CCDC138: variants seen among roughly 807,000 people sequenced by gnomAD.
CCDC138 encodes the protein coiled-coil domain-containing protein 138.
In CCDC138, 66 loss-of-function variants were observed where a neutral mutation model predicts 82.3. The observed-to-expected ratio is 0.80, with a 90% CI of 0.66 to 0.98. The LOEUF is 0.98. Among genes scored for constraint, CCDC138 ranks in the 50% least tolerant of loss-of-function variants. The pLI, the probability that CCDC138 is intolerant of heterozygous loss-of-function variation, is 0.00. For missense variants in CCDC138, 816 were observed against 758.9 expected (o/e 1.08, Z -0.88); for synonymous variants, 297 against 265.4 (o/e 1.12, Z -1.16).
Position 108,853,264 on chromosome 2 carries a change from A to G in CCDC138, c.1517-3530A>G, listed in dbSNP as rs1353465706. On this transcript the variant is annotated intron_variant, in intron 12 of 14. Coordinates refer to ENST00000295124, the MANE Select transcript of CCDC138 (RefSeq NM_144978.3). ...CCCTGCAATAACTATGAGGTAGGTCATGGTGTCATTTTTACAGAAGAGCAA... is the reference window on the plus strand; with the variant it reads ...CCCTGCAATAACTATGAGGTAGGTCGTGGTGTCATTTTTACAGAAGAGCAA... Among the ~76,000 whole-genome samples the G allele has an allele frequency of 3.3e-5, 5 of 152,298 alleles. No homozygotes were observed. In the South Asian group the frequency reaches 8.3e-4, roughly 25 times the overall value.
chr2:108,831,949 T>A (rs1235997009), intron 10 of CCDC138, among the ~76,000 whole-genome samples: 3 of 151,960 alleles, frequency 2.0e-5, no homozygotes, highest in African/African-American at 7.3e-5. Flanking sequence ...ACCAGGCTGG[T>A]CTTGAACTTC....
At chr2:108,867,305 C>T (rs530103518) in intron 13 of CCDC138, among the ~76,000 whole-genome samples, 1 of 152,118 alleles carries the variant, frequency 6.6e-6, no homozygotes, top group Admixed American at 6.5e-5. Context: ...TGAGAGATTC[C>T]AGAGTGGGAA....
chr2:108,825,986 A>C (rs914667321), intron 10 of CCDC138, among the ~76,000 whole-genome samples: 1 of 152,126 alleles, frequency 6.6e-6, no homozygotes, highest in Admixed American at 6.5e-5. Context: ...TATGGTTTTC[A>C]TTCATGTTTC....
intron 10 of CCDC138, among the ~76,000 whole-genome samples, chr2:108,826,982 T>C (rs1332536371): frequency 2.0e-5 from 3 of 152,248 alleles, no homozygotes; most frequent in African/African-American, 7.2e-5. Context: ...TTTCACAGTA[T>C]TTTTATTCTT....
chr2:108,841,547 CTAATA>C (rs1689483464), intron 11 of CCDC138, among the ~76,000 whole-genome samples: 1 of 152,032 alleles, frequency 6.6e-6, no homozygotes, highest in African/African-American at 2.4e-5. Context: ...CTATCTGATA[CTAATA>C]TAGAGACTTC....
chr2:108,846,705 T>G, intron 11 of CCDC138, 33 bp from the exon 12 acceptor site: 1 of 1,555,052 alleles, frequency 6.4e-7, no homozygotes, highest in Non-Finnish European at 8.7e-7. Flanking sequence ...TGAACATGAA[T>G]AAATATACTA....
At position 108,812,820 on chromosome 2, in the gene CCDC138, A is replaced by G; in HGVS notation, c.934A>G (p.Arg312Gly). The change falls in exon 9 of 15, where the codon AGG becomes GGG. Residue 312 changes from arginine to glycine, a missense_variant and splice_region_variant. Coordinates refer to ENST00000295124, the MANE Select transcript of CCDC138 (RefSeq NM_144978.3). ...AATTCACGCATATATACTGTTGCAGAGGAAGTACGAGTTTATGACAATACA... is the reference window on the plus strand; with the variant it reads ...AATTCACGCATATATACTGTTGCAGGGGAAGTACGAGTTTATGACAATACA... ...RVQARLDNLQ[R>G]KYEFMTIQRL... 6.2e-7 allele frequency: 1 copy of G among 1,612,850 alleles called. No homozygotes were observed. The highest frequency in any genetic ancestry group is 2.2e-5 in the East Asian group (1 of 44,828).
intron 12 of CCDC138, among the ~76,000 whole-genome samples, chr2:108,847,419 G>A (rs10179313): frequency 0.072 from 10,966 of 152,208 alleles, 508 homozygotes; most frequent in South Asian, 0.15. Flanking sequence ...CTATAATACT[G>A]TCATCTGGCC....
intron 4 of CCDC138, 93 bp downstream of exon 4, chr2:108,791,895 A>G (rs1019835464): frequency 7.9e-7 from 1 of 1,268,558 alleles, no homozygotes; most frequent in Non-Finnish European, 1.1e-6. Flanking sequence ...CTGGCCCCCA[A>G]GAGTTTGCAT....
At chr2:108,799,053 CG>C (rs558778006) in intron 6 of CCDC138, among the ~76,000 whole-genome samples, 1 of 151,472 alleles carries the variant, frequency 6.6e-6, no homozygotes, top group Admixed American at 6.6e-5. Context: ...GTTTGTGGGG[CG>C]GGGGGGTTGT....
At chr2:108,817,232 C>G (rs142802124) in intron 10 of CCDC138, among the ~76,000 whole-genome samples, 192 of 152,194 alleles carry the variant, frequency 1.3e-3, no homozygotes, top group African/African-American at 4.6e-3. Context: ...AGACTCAACC[C>G]CCTCTTGCTG....
At chr2:108,866,668 A>AG (rs1316889078) in intron 13 of CCDC138, among the ~76,000 whole-genome samples, 2 of 152,124 alleles carry the variant, frequency 1.3e-5, no homozygotes, top group East Asian at 3.9e-4. Flanking sequence ...GTGGATCACG[A>AG]GGTCAGGAGT....
At chr2:108,787,016 T>A in intron 1 of CCDC138, 101 bp downstream of exon 1, 2 of 708,458 alleles carry the variant, frequency 2.8e-6, no homozygotes, top group Non-Finnish European at 4.0e-6. Context: ...GCGGCTCTGG[T>A]CCCGGCCCCG....
chr2:108,839,047 T>C (rs1689030776), intron 10 of CCDC138, 138 bp from the exon 11 acceptor site: 1 of 906,866 alleles, frequency 1.1e-6, no homozygotes, highest in Non-Finnish European at 1.6e-6. Context: ...CATATAGTTT[T>C]AAAGTGAAGG....
chr2:108,853,904 ATAT>A (rs1208349498), intron 12 of CCDC138, among the ~76,000 whole-genome samples: 12 of 123,888 alleles, frequency 9.7e-5, no homozygotes, highest in East Asian at 2.0e-4. Context: ...TATATATTAT[ATAT>A]TATATAGTAT....
At chr2:108,854,326 T>C (rs186725011) in intron 12 of CCDC138, among the ~76,000 whole-genome samples, 83 of 151,786 alleles carry the variant, frequency 5.5e-4, no homozygotes, top group African/African-American at 2.0e-3. Context: ...ACTTCAACTC[T>C]ATAGTCAGAC....
chr2:108,865,866 CAG>C (rs1694331479), intron 13 of CCDC138, among the ~76,000 whole-genome samples: 1 of 152,208 alleles, frequency 6.6e-6, no homozygotes, highest in South Asian at 2.1e-4. Flanking sequence ...CATGAGTGGC[CAG>C]AGTTTGTTGG....
At chr2:108,883,481 G>A (rs776157406) in intron 2 of CCDC138, 4 of 152,292 alleles carry the variant, frequency 2.6e-5, no homozygotes, top group Non-Finnish European at 4.4e-5. Flanking sequence ...TAACCAGCAA[G>A]GGCAGGGCTG....
intron 10 of CCDC138, among the ~76,000 whole-genome samples, chr2:108,824,330 C>G (rs1299534023): frequency 4.0e-5 from 6 of 151,862 alleles, no homozygotes. Flanking sequence ...TCTTTATATC[C>G]TGTAAGTTTT....
Sources: allele counts gnomAD v4.1 joint callset (sites outside exome capture counted in the v4.1 genomes callset), GRCh38; gene constraint gnomAD v4.1.1; transcripts MANE v1.5; gene names NCBI Gene and HGNC (gene_info 2026-07-23, HGNC 2026-07-21).